ZNF146: variants seen among roughly 807,000 people sequenced by gnomAD.
The protein encoded by ZNF146 is zinc finger protein 146.
ZNF146 carries 9 observed loss-of-function variants against 22.2 expected under a neutral mutation model. The observed-to-expected ratio is 0.41, with a 90% CI of 0.24 to 0.71. The LOEUF (loss-of-function observed/expected upper bound fraction) is 0.71, where lower values mean the gene tolerates loss of function less well. Among genes scored for constraint, ZNF146 ranks in the 30% least tolerant of loss-of-function variants. The pLI, the probability that ZNF146 is intolerant of heterozygous loss-of-function variation, is 0.34. For missense variants in ZNF146, 194 were observed against 344.8 expected (o/e 0.56, Z 3.46); for synonymous variants, 108 against 119.2 (o/e 0.91, Z 0.61).
chr19:36,220,345 C>A (rs753274653), intron 2 of ZNF146, among the ~76,000 whole-genome samples: 2 of 116,208 alleles, frequency 1.7e-5, no homozygotes, highest in Non-Finnish European at 4.2e-5. Context: ...TTTCTTAGCT[C>A]CTAGTTCTTT....
rs1426740760 is a variant in ZNF146 at position 36,237,508 on chromosome 19, C to T, written c.*189C>T. The T allele has an allele frequency of 1.8e-5, 10 of 567,732 alleles. No homozygotes were observed. In the Admixed American group the frequency reaches 3.1e-4, roughly 17 times the overall value. 35.2% of individuals were successfully genotyped at this position (567,732 alleles called of 1,614,324 possible). On this transcript the variant is annotated 3_prime_UTR_variant, in exon 4 of 4. Coordinates refer to ENST00000443387, the MANE Select transcript of ZNF146 (RefSeq NM_007145.3). ...CATGCATATGATTAAAACCCTGTGTCCAACAGAGAAACCTGCAGCAGAGAT... is the reference window on the plus strand; with the variant it reads ...CATGCATATGATTAAAACCCTGTGTTCAACAGAGAAACCTGCAGCAGAGAT...
At chr19:36,214,936 A>G, upstream of ZNF146, 1 of 152,656 alleles carries the variant, frequency 6.6e-6, no homozygotes, top group Non-Finnish European at 1.5e-5. Flanking sequence ...TCGCGGGGGG[A>G]GGGGAGGAGA....
At chr19:36,219,812 C>A (rs539918833) in intron 2 of ZNF146, among the ~76,000 whole-genome samples, 1 of 152,128 alleles carries the variant, frequency 6.6e-6, no homozygotes, top group South Asian at 2.1e-4. Context: ...GTAGTCTATA[C>A]GTTAAGAGAA....
chr19:36,230,796 C>T (rs1051163734), intron 3 of ZNF146, among the ~76,000 whole-genome samples: 4 of 151,964 alleles, frequency 2.6e-5, no homozygotes, highest in African/African-American at 9.7e-5. Flanking sequence ...GCCAGCCTTC[C>T]TTCCTTTTCC....
rs1977660490 is a variant in ZNF146 at position 36,236,822 on chromosome 19, T to C, written c.382T>C (p.Phe128Leu). Residue 128 changes from phenylalanine (F) to leucine (L), a missense_variant, in exon 4 of 4, where the codon TTT becomes CTT. This residue lies in a region of ZNF146 where 147 missense variants were observed against 300.1 expected (regional missense o/e 0.49). Transcript: ENST00000443387. The part of the protein sequence containing the change: ...HQRTHTGEKP[F>L]VCKECGKTFS... The stretch of plus-strand genomic sequence containing the variant: ...GAGAACTCACACAGGAGAGAAGCCC[T>C]TTGTATGTAAGGAGTGTGGAAAAAC... The C allele has an allele frequency of 6.2e-7, 1 of 1,613,970 alleles. No individual in the cohort carries two copies. The highest frequency in any genetic ancestry group is 1.3e-5 in the African/African-American group (1 of 74,902).
chr19:36,229,983 G>C (rs1977253516), intron 3 of ZNF146, among the ~76,000 whole-genome samples: 1 of 152,244 alleles, frequency 6.6e-6, no homozygotes, highest in Non-Finnish European at 1.5e-5. Flanking sequence ...GCCTCTCAAA[G>C]TGCTGGGATT....
chr19:36,217,055 C>CTTTTTTTTTTTT lies in ZNF146; in HGVS notation c.-928-1053_-928-1042dup, dbSNP rs752632008. 9.1e-5 allele frequency among the ~76,000 whole-genome samples: 6 copies of CTTTTTTTTTTTT among 65,878 alleles called. 2 individuals carry two copies. Among genetic ancestry groups the CTTTTTTTTTTTT allele is most frequent in the Admixed American group, 4.6e-4 (2 of 4,370 alleles). The allele number at this position is 65,878 out of a possible 152,430, so 43.2% of individuals were successfully genotyped here. On this transcript the variant is annotated intron_variant, in intron 1 of 3. Transcript: ENST00000443387. ...AGCTTGGTGGACAGCCAGTCCCTGT[C>CTTTTTTTTTTTT]TTTTTTTTTTTTTTTTTTTTTTTTT... is the stretch of plus-strand genomic sequence containing the variant.
In ZNF146 at chr19:36,235,155, G is replaced by A. The variant is rs192343245; in HGVS notation, c.-782-504G>A. On this transcript the variant is annotated intron_variant, in intron 3 of 3. Transcript: ENST00000443387. ...ACCCAGGAGGCGGAGGCTGCAGTGA[G>A]CCGAGATCGCACCACTGCACTCCAG... is the stretch of plus-strand genomic sequence containing the variant. Among the ~76,000 whole-genome samples the A allele has an allele frequency of 1.4e-3, 207 of 151,182 alleles. 1 individual carries two copies. The highest frequency in any genetic ancestry group is 4.6e-3 in the African/African-American group (189 of 41,130).
At position 36,237,484 on chromosome 19, in the gene ZNF146, A is replaced by G; in HGVS notation, c.*165A>G. The G allele has an allele frequency of 4.0e-6, 3 of 757,374 alleles. No individual in the cohort carries two copies. The South Asian group carries it at 7.0e-5, about 18-fold the overall frequency. 46.9% of individuals were successfully genotyped at this position (757,374 alleles called of 1,614,324 possible). A position where few individuals can be genotyped will look rare whatever the true frequency, so the allele number is the denominator to read the frequency against. On this transcript the variant is annotated 3_prime_UTR_variant, in exon 4 of 4. Transcript: ENST00000443387. The stretch of plus-strand genomic sequence containing the variant: ...GAAAATTTGTACTGAAGAGAAAGAC[A>G]TGCATATGATTAAAACCCTGTGTCC...
rs201752963 is a variant in ZNF146, at chr19:36,218,807, CT to C, written c.-855+621del. Among the ~76,000 whole-genome samples, 1,035 of 139,800 alleles carry C rather than the reference CT, an allele frequency of 7.4e-3. 8 individuals carry two copies. Among genetic ancestry groups the C allele is most frequent in the African/African-American group, 0.025 (956 of 37,774 alleles). The allele number at this position is 139,800 out of a possible 152,430, so 91.7% of individuals were successfully genotyped here. A position where few individuals can be genotyped will look rare whatever the true frequency, so the allele number is the denominator to read the frequency against. On this transcript the variant is annotated intron_variant, in intron 2 of 3. Transcript: ENST00000443387. ...TTTTAATTTTTTTACTTAAAATTTT[CT>C]TTTTTTTTGGTGGAGGGGGGGACAG... is the stretch of plus-strand genomic sequence containing the variant.
Position 36,237,456 on chromosome 19 carries a change from C to CACACACACACACA in ZNF146, c.*137_*138insACACACACACACA. On this transcript the variant is annotated 3_prime_UTR_variant, in exon 4 of 4. Transcript: ENST00000443387. ...ACAAGTACTAAAAACTTAAGGGACA[C>CACACACACACACA]CAGAAAATTTGTACTGAAGAGAAAG... 1 of 1,089,334 alleles carries CACACACACACACA rather than the reference C, an allele frequency of 9.2e-7. No homozygotes were observed. The highest frequency in any genetic ancestry group is 1.3e-6 in the Non-Finnish European group (1 of 784,404). The allele number at this position is 1,089,334 out of a possible 1,614,324, so 67.5% of individuals were successfully genotyped here. A position where few individuals can be genotyped will look rare whatever the true frequency, so the allele number is the denominator to read the frequency against.
At chr19:36,231,488 C>T (rs111739254) in intron 3 of ZNF146, among the ~76,000 whole-genome samples, 3,602 of 152,160 alleles carry the variant, frequency 0.024, 165 homozygotes, top group African/African-American at 0.083. Context: ...GGATTACAGG[C>T]GGGAGCCACT....
intron 2 of ZNF146, among the ~76,000 whole-genome samples, chr19:36,226,726 T>G (rs1190935004): frequency 2.6e-5 from 4 of 152,200 alleles, no homozygotes; most frequent in African/African-American, 4.8e-5. Context: ...TACATTAGTA[T>G]TATTTAATCC....
intron 2 of ZNF146, among the ~76,000 whole-genome samples, chr19:36,221,927 CTTTTTTTTT>C (rs60347994): frequency 1.0e-3 from 113 of 109,890 alleles, no homozygotes; most frequent in South Asian, 3.4e-3. Context: ...TTTTTTCTTT[CTTTTTTTTT>C]TTTTTTTTTT....
intron 3 of ZNF146, among the ~76,000 whole-genome samples, chr19:36,229,892 G>C (rs1184274840): frequency 6.6e-6 from 1 of 152,102 alleles, no homozygotes; most frequent in Non-Finnish European, 1.5e-5. Flanking sequence ...GCTAATTTTT[G>C]TATTTTTCAT....
intron 2 of ZNF146, among the ~76,000 whole-genome samples, chr19:36,221,369 A>G (rs1976830015): frequency 6.8e-6 from 1 of 146,952 alleles, no homozygotes; most frequent in Non-Finnish European, 1.5e-5. Context: ...GCTCACTGCA[A>G]GCTCCGCCTC....
intron 2 of ZNF146, among the ~76,000 whole-genome samples, chr19:36,222,815 T>G (rs1319921749): frequency 2.2e-5 from 3 of 134,270 alleles, no homozygotes; most frequent in Non-Finnish European, 5.1e-5. Flanking sequence ...TCATTTGCAT[T>G]TGGACATTGT....
intron 2 of ZNF146, among the ~76,000 whole-genome samples, chr19:36,219,696 C>T (rs761615223): frequency 9.2e-5 from 14 of 151,958 alleles, no homozygotes; most frequent in Non-Finnish European, 1.8e-4. Context: ...GTTTTAAAAC[C>T]AATACATAAT....
At chr19:36,233,488 C>T (rs1047244081) in intron 3 of ZNF146, among the ~76,000 whole-genome samples, 1 of 151,922 alleles carries the variant, frequency 6.6e-6, no homozygotes, top group Non-Finnish European at 1.5e-5. Flanking sequence ...TTAGGGAGGA[C>T]CTGCATACGG....
Sources: allele counts gnomAD v4.1 joint callset (sites outside exome capture counted in the v4.1 genomes callset), GRCh38; gene constraint gnomAD v4.1.1; regional missense constraint gnomAD v4.1.1; transcripts MANE v1.5; gene names NCBI Gene and HGNC (gene_info 2026-07-23, HGNC 2026-07-21).